The following DMD variants were observed in gnomAD, a reference collection of about 807,000 sequenced individuals.
DMD encodes the protein dystrophin.
DMD carries 63 observed loss-of-function variants against 330.1 expected under a neutral mutation model. The observed-to-expected ratio is 0.19, with a 90% CI of 0.16 to 0.24. DMD has a LOEUF of 0.24. Among genes scored for constraint, DMD ranks in the 10% least tolerant of loss-of-function variants. The pLI is 1.00. For missense variants in DMD, 3,344 were observed against 2,684.1 expected (o/e 1.25, Z -5.43); for synonymous variants, 1,223 against 959.8 (o/e 1.27, Z -5.07).
chrX:31,615,626 T>C (rs1202717548), intron 55 of DMD, among the ~76,000 whole-genome samples: 1 of 112,063 alleles, frequency 8.9e-6, no homozygotes, highest in Non-Finnish European at 1.9e-5. Flanking sequence ...TAAAGAGCTT[T>C]TCCAAAACGA....
chrX:31,344,439 AG>A (rs1448227610), intron 61 of DMD, among the ~76,000 whole-genome samples: 1 of 112,196 alleles, frequency 8.9e-6, no homozygotes, highest in Non-Finnish European at 1.9e-5. Context: ...GCCAGTCATT[AG>A]AAAAATTACT....
intron 44 of DMD, among the ~76,000 whole-genome samples, chrX:32,208,258 T>C (rs2097079090): frequency 8.9e-6 from 1 of 112,309 alleles, no homozygotes; most frequent in African/African-American, 3.2e-5. Context: ...AACGTTGGTA[T>C]TCTGGGATAT....
chrX:31,292,570 TA>T (rs1193389014), intron 62 of DMD, among the ~76,000 whole-genome samples: 14 of 111,768 alleles, frequency 1.3e-4, no homozygotes, highest in Non-Finnish European at 1.9e-5. Flanking sequence ...AAGCTCAGCA[TA>T]TGCCTACCCT....
chrX:32,744,796 G>A (rs1209934473), intron 7 of DMD, among the ~76,000 whole-genome samples: 1 of 111,408 alleles, frequency 9.0e-6, no homozygotes, highest in Admixed American at 9.6e-5. Context: ...CTTTTCATCT[G>A]GACTATTACC....
chrX:32,250,955 A>G (rs185752701), intron 43 of DMD, among the ~76,000 whole-genome samples: 2 of 110,001 alleles, frequency 1.8e-5, no homozygotes, highest in African/African-American at 6.6e-5. Flanking sequence ...AAAATGAAAC[A>G]CTGCATGGAC....
intron 44 of DMD, among the ~76,000 whole-genome samples, chrX:32,155,945 AGTGT>A (rs775026800): frequency 9.9e-6 from 1 of 101,150 alleles, no homozygotes; most frequent in Non-Finnish European, 2.0e-5. Flanking sequence ...GGTTAATAAG[AGTGT>A]GTGTGTGTAT....
At chrX:31,172,521 G>C in intron 72 of DMD, 108 bp from the exon 73 acceptor site, 1 of 634,323 alleles carries the variant, frequency 1.6e-6, no homozygotes, top group Non-Finnish European at 2.6e-6. Flanking sequence ...GGCAAGAAGA[G>C]AAAGGAATCC....
In DMD at chrX:32,723,387, T is replaced by C. The variant is rs755191806; in HGVS notation, c.650-24094A>G. 2.7e-4 allele frequency among the ~76,000 whole-genome samples: 30 copies of C among 111,526 alleles called. No homozygotes were observed. The East Asian group carries it at 5.6e-3, about 21-fold the overall frequency. On this transcript the variant is annotated intron_variant, in intron 7 of 78. Transcript: ENST00000357033. ...ATATTGGCATATATATATTTTCTTC[T>C]CTTGCGGTGTCTGTTTGACTTTCGT...
chrX:32,704,919 G>C (rs1278016845), intron 7 of DMD, among the ~76,000 whole-genome samples: 1 of 112,085 alleles, frequency 8.9e-6, no homozygotes, highest in African/African-American at 3.2e-5. Context: ...AAGTAAAGTG[G>C]ATTATTTTTT....
rs919919199 is a variant in DMD at position 33,009,445 on chromosome X, T to C, written c.93+10694A>G. 1.1e-3 allele frequency among the ~76,000 whole-genome samples: 35 copies of C among 30,435 alleles called. 8 individuals carry two copies. Among genetic ancestry groups the C allele is most frequent in the African/African-American group, 4.9e-3 (35 of 7,216 alleles). The allele number at this position is 30,435 out of a possible 115,157, so 26.4% of individuals were successfully genotyped here. On this transcript the variant is annotated intron_variant, in intron 2 of 78. Transcript: ENST00000357033. The stretch of plus-strand genomic sequence containing the variant: ...GTGTATATGTATGTGTATACACATA[T>C]GTATGTATGTGTATACACATATGTG...
At chrX:31,809,792 A>T (rs2092404564) in intron 50 of DMD, among the ~76,000 whole-genome samples, 1 of 110,465 alleles carries the variant, frequency 9.1e-6, no homozygotes, top group South Asian at 3.9e-4. Flanking sequence ...TTTGATCAGC[A>T]CTGTAATCTT....
intron 2 of DMD, among the ~76,000 whole-genome samples, chrX:33,003,321 T>C (rs34711609): frequency 5.4e-5 from 6 of 111,350 alleles, no homozygotes; most frequent in African/African-American, 2.0e-4. Flanking sequence ...GCAAAATACA[T>C]TATTTCATTC....
At position 32,499,799 on chromosome X, in the gene DMD, A is replaced by G. The variant is rs186563830; in HGVS notation, c.2380+1956T>C. Among the ~76,000 whole-genome samples the G allele has an allele frequency of 2.3e-3, 254 of 111,299 alleles. 1 individual carries two copies. Among genetic ancestry groups the G allele is most frequent in the African/African-American group, 8.1e-3 (248 of 30,723 alleles). ...TTTAGGGTAGCAGTCCCTCTGAAATACACCTGAAGGGGTACTTCAGGCACT... is the reference window on the plus strand; with the variant it reads ...TTTAGGGTAGCAGTCCCTCTGAAATGCACCTGAAGGGGTACTTCAGGCACT... On this transcript the variant is annotated intron_variant, in intron 19 of 78. Coordinates refer to ENST00000357033, the MANE Select transcript of DMD (RefSeq NM_004006.3).
chrX:31,150,699 G>C (rs752947254), intron 74 of DMD, among the ~76,000 whole-genome samples: 2 of 111,784 alleles, frequency 1.8e-5, no homozygotes, highest in Non-Finnish European at 3.8e-5. Context: ...TCATCACCAG[G>C]TCTGCTAAAT....
At chrX:32,952,886 G>A (rs746074847) in intron 2 of DMD, among the ~76,000 whole-genome samples, 89 of 110,545 alleles carry the variant, frequency 8.1e-4, no homozygotes, top group South Asian at 1.9e-3. Flanking sequence ...TGTAATCACA[G>A]CATTTTGGAA....
At chrX:31,372,349 C>G (rs1303419073) in intron 60 of DMD, among the ~76,000 whole-genome samples, 1 of 111,701 alleles carries the variant, frequency 9.0e-6, no homozygotes, top group Non-Finnish European at 1.9e-5. Context: ...TGACAAGGGT[C>G]AGAAAAAATG....
chrX:31,394,938 T>TGTGAGAGAGAGAGAGAGA (rs1556617022), intron 60 of DMD, among the ~76,000 whole-genome samples: 19 of 86,854 alleles, frequency 2.2e-4, no homozygotes, highest in Non-Finnish European at 1.5e-4. Flanking sequence ...GAGAGAAGGG[T>TGTGAGAGAGAGAGAGAGA]GAGAGAGAGA....
intron 1 of DMD, among the ~76,000 whole-genome samples, chrX:33,061,023 A>C (rs2148075519): frequency 9.0e-6 from 1 of 111,722 alleles, no homozygotes; most frequent in South Asian, 3.7e-4. Context: ...ACATTTTAAC[A>C]ATTTGTTTTT....
At chrX:32,935,940 G>A (rs766526496) in intron 2 of DMD, among the ~76,000 whole-genome samples, 14 of 111,022 alleles carry the variant, frequency 1.3e-4, no homozygotes, top group African/African-American at 3.6e-4. Flanking sequence ...TAAATAATCC[G>A]TGGGGGTGGA....
Sources: allele counts gnomAD v4.1 joint callset (sites outside exome capture counted in the v4.1 genomes callset), GRCh38; gene constraint gnomAD v4.1.1; transcripts MANE v1.5; gene names NCBI Gene and HGNC (gene_info 2026-07-23, HGNC 2026-07-21).